Variants in INSR observed in about 807,000 individuals in gnomAD.
The protein encoded by INSR is insulin receptor, also known as IR.
A neutral mutation model predicts 142.6 loss-of-function variants in INSR; 67 were observed. That is an observed-to-expected ratio of 0.47 (90% CI 0.39 to 0.58). The LOEUF (loss-of-function observed/expected upper bound fraction) is 0.58, where lower values mean the gene tolerates loss of function less well. INSR is among the 20% of genes least tolerant of loss of function. The pLI is 0.00. For synonymous variants in INSR, 756 were observed against 743.1 expected, an observed-to-expected ratio of 1.02 and a Z score of -0.28; for missense variants, 1,248 against 1,833.2, an observed-to-expected ratio of 0.68 and a Z score of 5.83.
rs71177157 is a variant in INSR, at chr19:7,116,700, CAA to C, written c.*354_*355del. The C allele has an allele frequency of 0.21, 10,597 of 50,110 alleles. 415 individuals are homozygous for C. The highest frequency in any genetic ancestry group is 0.29 in the African/African-American group (4,116 of 14,144). 3.1% of individuals were successfully genotyped at this position (50,110 alleles called of 1,614,324 possible). ...TTTTATACTGAAGCTCAGACACCAG[CAA>C]AAAAAAAAAAAAAAAAAAAGAATTT... On this transcript the variant is annotated 3_prime_UTR_variant, in exon 22 of 22. Coordinates refer to ENST00000302850, the MANE Select transcript of INSR (RefSeq NM_000208.4).
intron 1 of INSR, among the ~76,000 whole-genome samples, chr19:7,270,296 A>AGT (rs1224386720): frequency 6.7e-6 from 1 of 149,238 alleles, no homozygotes; most frequent in Non-Finnish European, 1.5e-5. Context: ...CTCAACCCTG[A>AGT]GTCCCACACT....
chr19:7,231,340 G>A (rs1399852863), intron 2 of INSR, among the ~76,000 whole-genome samples: 3 of 133,184 alleles, frequency 2.3e-5, no homozygotes, highest in South Asian at 4.7e-4. Flanking sequence ...TCTCTCTTTC[G>A]CCCAGGCTCT....
chr19:7,173,658 C>T lies in INSR; in HGVS notation c.1123+925G>A, dbSNP rs144523958. 5.3e-3 allele frequency among the ~76,000 whole-genome samples: 580 copies of T among 108,812 alleles called. 3 individuals carry two copies. The highest frequency in any genetic ancestry group is 0.021 in the African/African-American group (554 of 26,834). The allele number at this position is 108,812 out of a possible 152,430, so 71.4% of individuals were successfully genotyped here. ...TTTTTGAGATGGAGTCTCACTCTGTCGCCCAGGCTAGAGTGCAGTGGCGCG... is the reference window on the plus strand; with the variant it reads ...TTTTTGAGATGGAGTCTCACTCTGTTGCCCAGGCTAGAGTGCAGTGGCGCG... On this transcript the variant is annotated intron_variant, in intron 4 of 21. Coordinates refer to ENST00000302850, the MANE Select transcript of INSR (RefSeq NM_000208.4).
At chr19:7,139,135 C>T (rs1324332851) in intron 13 of INSR, among the ~76,000 whole-genome samples, 1 of 152,192 alleles carries the variant, frequency 6.6e-6, no homozygotes, top group Non-Finnish European at 1.5e-5. Flanking sequence ...CACATGAGGA[C>T]AAAGCTCCAA....
At chr19:7,286,353 A>G (rs1568239408) in intron 1 of INSR, among the ~76,000 whole-genome samples, 1 of 152,046 alleles carries the variant, frequency 6.6e-6, no homozygotes, top group Non-Finnish European at 1.5e-5. Context: ...CATGAATGGA[A>G]TGCTTTTGGG....
chr19:7,286,155 T>C (rs2145247987), intron 1 of INSR, among the ~76,000 whole-genome samples: 1 of 150,928 alleles, frequency 6.6e-6, no homozygotes, highest in South Asian at 2.1e-4. Flanking sequence ...AATTTTTTTG[T>C]AGGGTTTTGT....
intron 2 of INSR, among the ~76,000 whole-genome samples, chr19:7,230,359 C>G (rs908402736): frequency 1.3e-5 from 2 of 152,158 alleles, no homozygotes; most frequent in Non-Finnish European, 2.9e-5. Context: ...GCAGCTGGAT[C>G]ACTTTGAGCA....
Position 7,152,811 on chromosome 19 carries a change from C to CT in INSR, c.2145dup (p.Asp716ArgfsTer14). The CT allele has an allele frequency of 6.2e-7, 1 of 1,613,592 alleles. No homozygotes were observed. The highest frequency in any genetic ancestry group is 8.5e-7 in the Non-Finnish European group (1 of 1,179,958). On this transcript the variant is annotated frameshift_variant, in exon 10 of 22. Transcript: ENST00000302850. LOFTEE classifies it high-confidence loss of function. ...TCCAGCTCCTTCAGGATCTGAGAGT[C>CT]TGTCTTTGGACAGGAGCAGCATTCG... is the stretch of plus-strand genomic sequence containing the variant.
chr19:7,238,617 CAAAAAA>C (rs796144540), intron 2 of INSR, among the ~76,000 whole-genome samples: 61 of 69,018 alleles, frequency 8.8e-4, no homozygotes, highest in African/African-American at 2.7e-3. Context: ...TGCTCCATCT[CAAAAAA>C]AAAAAAAAAA....
chr19:7,184,660 AG>A, intron 2 of INSR, 23 bp from the exon 3 acceptor site: 1 of 1,179,610 alleles, frequency 8.5e-7, no homozygotes, highest in Non-Finnish European at 1.2e-6. Flanking sequence ...AGAGAGAGAG[AG>A]GGAAATAAAT....
Position 7,125,537 on chromosome 19 carries a change from A to G in INSR, c.3014-10T>C. On this transcript the variant is annotated splice_polypyrimidine_tract_variant and intron_variant, in intron 16 of 21. Coordinates refer to ENST00000302850, the MANE Select transcript of INSR (RefSeq NM_000208.4). This position sits in a 1 kb window ranked among gnomAD's most constrained non-coding sequence, Gnocchi z 4.9. ...ACAGAGCATGGAAACACTACTTCTT[A>G]CTTATCTACACAGCATCCTTGGAGG... 1 of 1,612,470 alleles carries G rather than the reference A, an allele frequency of 6.2e-7. No homozygotes were observed. Among genetic ancestry groups the G allele is most frequent in the Non-Finnish European group, 8.5e-7 (1 of 1,179,946 alleles).
At chr19:7,131,243 G>T (rs1312256725) in intron 14 of INSR, among the ~76,000 whole-genome samples, 1 of 151,958 alleles carries the variant, frequency 6.6e-6, no homozygotes, top group East Asian at 1.9e-4. Flanking sequence ...AGTGGTGGGT[G>T]AGAAGAGGGA....
rs761430318 is a variant in INSR, at chr19:7,267,946, G to A, written c.101-50C>T. 4 of 1,478,056 alleles carry A rather than the reference G, an allele frequency of 2.7e-6. No individual in the cohort carries two copies. The highest frequency in any genetic ancestry group is 3.7e-6 in the Non-Finnish European group (4 of 1,067,570). The allele number at this position is 1,478,056 out of a possible 1,614,324, so 91.6% of individuals were successfully genotyped here. A position where few individuals can be genotyped will look rare whatever the true frequency, so the allele number is the denominator to read the frequency against. On this transcript the variant is annotated intron_variant, in intron 1 of 21. Coordinates refer to ENST00000302850, the MANE Select transcript of INSR (RefSeq NM_000208.4). The surrounding 1 kb of genome is among the most constrained non-coding windows in gnomAD (Gnocchi z 6.3). ...CAAGACAGGTGAGCAGACGCACGGT[G>A]GATGCATCAGAAGGATCAGGGGCAG...
intron 17 of INSR, among the ~76,000 whole-genome samples, chr19:7,123,773 A>C (rs538273657): frequency 2.6e-5 from 4 of 151,656 alleles, no homozygotes; most frequent in Middle Eastern, 3.4e-3. Flanking sequence ...AAATACAAAA[A>C]TTAGCTGGGT....
At chr19:7,255,079 C>A (rs115371859) in intron 2 of INSR, among the ~76,000 whole-genome samples, 1 of 142,834 alleles carries the variant, frequency 7.0e-6, no homozygotes, top group South Asian at 2.5e-4. Flanking sequence ...ATTGTAAATT[C>A]GTTATCTTCA....
At chr19:7,120,469 T>G (rs1972463274) in intron 20 of INSR, 151 bp downstream of exon 20, 1 of 828,482 alleles carries the variant, frequency 1.2e-6, no homozygotes, top group African/African-American at 1.7e-5. Context: ...GACATAAGAG[T>G]AGCCGTGGGA....
At chr19:7,180,791 G>A (rs1030068101) in intron 3 of INSR, among the ~76,000 whole-genome samples, 25 of 152,166 alleles carry the variant, frequency 1.6e-4, no homozygotes, top group African/African-American at 4.6e-4. Flanking sequence ...AAGCTCCTGC[G>A]GTAACGACCA....
At chr19:7,241,176 TG>T (rs1158887720) in intron 2 of INSR, among the ~76,000 whole-genome samples, 37 of 95,868 alleles carry the variant, frequency 3.9e-4, no homozygotes, top group East Asian at 1.9e-3. Flanking sequence ...TATTTTATTT[TG>T]TTTTTTTTTT....
intron 10 of INSR, chr19:7,152,512 C>A: frequency 1.6e-6 from 1 of 618,402 alleles, no homozygotes; most frequent in Non-Finnish European, 2.9e-6. Context: ...CATTTTTCCC[C>A]TTTTGTGCGA....
Sources: gnomAD v4.1 joint callset for allele counts (sites outside exome capture counted in the v4.1 genomes callset) on GRCh38, gnomAD v4.1.1 for gene constraint, Gnocchi (gnomAD v3.1) non-coding constraint, MANE v1.5 for transcripts, NCBI Gene and HGNC (gene_info 2026-07-23, HGNC 2026-07-21) for gene names.